The following CDYL variants were observed in gnomAD, a reference collection of about 807,000 sequenced individuals.
The protein encoded by CDYL is chromodomain Y-like protein.
Under a neutral mutation model 47.3 loss-of-function variants are expected in CDYL, and 8 were observed. The ratio of observed to expected loss-of-function variants is 0.17; its 90% CI spans 0.10 to 0.31. CDYL has a LOEUF of 0.31. CDYL is among the 10% of genes least tolerant of loss of function. CDYL has a pLI of 1.00. For synonymous variants in CDYL, 266 were observed against 265.0 expected (o/e 1.00, Z -0.04); for missense variants, 471 against 701.4 (o/e 0.67, Z 3.71).
chr6:4,761,461 A>C (rs1479308866), intron 3 of CDYL, among the ~76,000 whole-genome samples: 1 of 152,122 alleles, frequency 6.6e-6, no homozygotes, highest in African/African-American at 2.4e-5. Flanking sequence ...CTCCTGCCTC[A>C]GCCTCCTGAG....
chr6:4,773,980 G>A (rs142418576), upstream of CDYL, among the ~76,000 whole-genome samples: 1 of 152,216 alleles, frequency 6.6e-6, no homozygotes, highest in African/African-American at 2.4e-5. This position sits in a 1 kb window ranked among gnomAD's most constrained non-coding sequence, Gnocchi z 4.6. Context: ...CTCAATATCT[G>A]GATATGTTTG....
intron 3 of CDYL, among the ~76,000 whole-genome samples, chr6:4,759,117 T>C (rs997242835): frequency 6.6e-6 from 1 of 151,866 alleles, no homozygotes; most frequent in African/African-American, 2.4e-5. Context: ...TGCAGGTGCC[T>C]GCCACCACAC....
chr6:4,946,053 G>C (rs776978596), intron 5 of CDYL, among the ~76,000 whole-genome samples: 5 of 152,202 alleles, frequency 3.3e-5, no homozygotes, highest in Non-Finnish European at 7.4e-5. Flanking sequence ...CTTGTGGGCC[G>C]ATCACATTGG....
intron 2 of CDYL, among the ~76,000 whole-genome samples, chr6:4,925,960 A>C (rs1757861735): frequency 2.0e-5 from 3 of 152,184 alleles, no homozygotes; most frequent in Non-Finnish European, 4.4e-5. Context: ...TATAACATAC[A>C]ACTAGTTAGG....
Position 4,851,069 on chromosome 6 carries a change from T to C in CDYL, c.25-40644T>C, listed in dbSNP as rs555691680. 1.3e-5 allele frequency among the ~76,000 whole-genome samples: 2 copies of C among 152,326 alleles called. 1 individual carries two copies. Among genetic ancestry groups the C allele is most frequent in the African/African-American group, 4.8e-5 (2 of 41,584 alleles). ...CATACTGCCCTAAAGATTTGGGCGC[T>C]CACTTGGGTGGGCATAGTTATTACA... is the stretch of plus-strand genomic sequence containing the variant. On this transcript the variant is annotated intron_variant, in intron 1 of 6. Transcript: ENST00000397588.
chr6:4,950,080 C>CT (rs1758650561), intron 5 of CDYL, among the ~76,000 whole-genome samples: 1 of 152,072 alleles, frequency 6.6e-6, no homozygotes, highest in African/African-American at 2.4e-5. Context: ...GGGCCGTTCT[C>CT]GGCTGGTATC....
chr6:4,825,699 A>G (rs754058974), intron 1 of CDYL, among the ~76,000 whole-genome samples: 24 of 152,290 alleles, frequency 1.6e-4, no homozygotes, highest in Non-Finnish European at 2.6e-4. Context: ...TTTGGTTATA[A>G]TCCTTTTAGA....
intron 2 of CDYL, among the ~76,000 whole-genome samples, chr6:4,905,980 G>A (rs113321169): frequency 0.013 from 1,968 of 152,260 alleles, 53 homozygotes; most frequent in African/African-American, 0.044. Context: ...TGTTTCTACA[G>A]TGATTTAAGC....
At chr6:4,746,358 C>A in intron 3 of CDYL, among the ~76,000 whole-genome samples, 1 of 117,822 alleles carries the variant, frequency 8.5e-6, no homozygotes. Context: ...AGCAGACTCT[C>A]TCAAAAAAAA....
chr6:4,772,325 G>C (rs1758349571), upstream of CDYL, among the ~76,000 whole-genome samples: 1 of 152,220 alleles, frequency 6.6e-6, no homozygotes. Context: ...GTACCTACCT[G>C]GGACCAACAT....
chr6:4,912,744 A>G (rs1057310666), intron 2 of CDYL, among the ~76,000 whole-genome samples: 1 of 151,684 alleles, frequency 6.6e-6, no homozygotes, highest in East Asian at 1.9e-4. Flanking sequence ...GCTGGTGAGG[A>G]CTCTGCTGAG....
At chr6:4,839,524 G>A (rs1760425674) in intron 1 of CDYL, among the ~76,000 whole-genome samples, 1 of 152,136 alleles carries the variant, frequency 6.6e-6, no homozygotes, top group Admixed American at 6.5e-5. Context: ...TTTTTCTGAT[G>A]TTATCTTCTA....
intron 2 of CDYL, among the ~76,000 whole-genome samples, chr6:4,933,367 G>A (rs1184054444): frequency 6.6e-6 from 1 of 152,198 alleles, no homozygotes; most frequent in Non-Finnish European, 1.5e-5. Flanking sequence ...AGCAACTCCA[G>A]GCTGCCCTGT....
chr6:4,739,867 C>T (rs11758039), intron 3 of CDYL, among the ~76,000 whole-genome samples: 12,091 of 151,846 alleles, frequency 0.08, 528 homozygotes, highest in African/African-American at 0.11. Flanking sequence ...ACAGGAGAAT[C>T]GCTAGAACCC....
At chr6:4,945,456 C>T (rs1297314378) in intron 5 of CDYL, among the ~76,000 whole-genome samples, 1 of 152,146 alleles carries the variant, frequency 6.6e-6, no homozygotes, top group African/African-American at 2.4e-5. Flanking sequence ...GGGTAGTTCC[C>T]CTCACCCATA....
chr6:4,840,471 G>A (rs766824239), intron 1 of CDYL, among the ~76,000 whole-genome samples: 6 of 152,156 alleles, frequency 3.9e-5, no homozygotes, highest in African/African-American at 9.7e-5. Flanking sequence ...GGGCATCCTC[G>A]TCTTGTTCCA....
intron 3 of CDYL, among the ~76,000 whole-genome samples, chr6:4,770,958 C>T (rs559184562): frequency 6.6e-5 from 10 of 152,084 alleles, no homozygotes; most frequent in East Asian, 3.9e-4. Context: ...AATATATGTG[C>T]GTGCATATAT....
chr6:4,803,352 A>T (rs180921034), intron 1 of CDYL, among the ~76,000 whole-genome samples: 1 of 152,118 alleles, frequency 6.6e-6, no homozygotes, highest in African/African-American at 2.4e-5. Context: ...ATCCCTTTCC[A>T]GTCACTTAGT....
At chr6:4,871,731 C>T (rs1010022161) in intron 1 of CDYL, among the ~76,000 whole-genome samples, 1 of 152,106 alleles carries the variant, frequency 6.6e-6, no homozygotes, top group Non-Finnish European at 1.5e-5. Context: ...AATAGTCTCC[C>T]CTAGATGAGC....
Sources: allele counts gnomAD v4.1 joint callset (sites outside exome capture counted in the v4.1 genomes callset), GRCh38; gene constraint gnomAD v4.1.1; non-coding constraint Gnocchi (gnomAD v3.1); transcripts MANE v1.5; gene names NCBI Gene and HGNC (gene_info 2026-07-23, HGNC 2026-07-21).